The following GNAI3 variants were observed in gnomAD, a reference collection of about 807,000 sequenced individuals.
The protein encoded by GNAI3 is G protein subunit alpha i3, also known as guanine nucleotide-binding protein G(i) subunit alpha-3.
A neutral mutation model predicts 41.8 loss-of-function variants in GNAI3; 12 were observed. The ratio of observed to expected loss-of-function variants is 0.29; its 90% CI spans 0.18 to 0.47. The LOEUF is 0.47. Among genes scored for constraint, GNAI3 ranks in the 20% least tolerant of loss-of-function variants. The pLI, the probability that GNAI3 is intolerant of heterozygous loss-of-function variation, is 1.00. For synonymous variants in GNAI3, 132 were observed against 146.5 expected (o/e 0.90, Z 0.71); for missense variants, 360 against 429.6 (o/e 0.84, Z 1.43).
chr1:109,599,132 T>C lies in GNAI3; in HGVS notation c.*6810T>C, dbSNP rs1171633732. The C allele has an allele frequency of 4.9e-6, 1 of 205,338 alleles. No homozygotes were observed. Among genetic ancestry groups the C allele is most frequent in the Non-Finnish European group, 1.1e-5 (1 of 88,966 alleles). The allele number at this position is 205,338 out of a possible 1,614,324, so 12.7% of individuals were successfully genotyped here. ...GAACTGTTTCAAGTTAATGTGTCTT[T>C]TATGTTGCTTTTAAGACAACTTTTG... On this transcript the variant is annotated 3_prime_UTR_variant, in exon 9 of 9. Coordinates refer to ENST00000369851, the MANE Select transcript of GNAI3 (RefSeq NM_006496.4).
chr1:109,573,659 A>G, intron 1 of GNAI3, 78 bp from the exon 2 acceptor site: 1 of 1,197,274 alleles, frequency 8.4e-7, no homozygotes, highest in Non-Finnish European at 1.2e-6. Flanking sequence ...TCATCAATCT[A>G]GAGTTATCAT....
chr1:109,565,136 C>T (rs1311368725), intron 1 of GNAI3, among the ~76,000 whole-genome samples: 3 of 151,720 alleles, frequency 2.0e-5, no homozygotes, highest in Non-Finnish European at 4.4e-5. Context: ...TGGTGGCAGG[C>T]ACCTGTAATC....
chr1:109,564,510 CCTCTGAATCTTTTCCTTTGTGACCTTG>C (rs1223844733), intron 1 of GNAI3, among the ~76,000 whole-genome samples: 1 of 152,188 alleles, frequency 6.6e-6, no homozygotes, highest in Admixed American at 6.5e-5. Context: ...GACCAACCTT[CCTCTGAATCTTTTCCTTTGTGACCTTG>C]TTGTGCATGA....
intron 1 of GNAI3, among the ~76,000 whole-genome samples, chr1:109,554,104 A>G (rs375911739): frequency 6.6e-6 from 1 of 151,034 alleles, no homozygotes; most frequent in Non-Finnish European, 1.5e-5. Context: ...GTGTGTGTAT[A>G]TCACATTTTC....
intron 1 of GNAI3, among the ~76,000 whole-genome samples, chr1:109,568,262 C>T (rs947728617): frequency 6.6e-6 from 1 of 152,084 alleles, no homozygotes; most frequent in South Asian, 2.1e-4. Flanking sequence ...TGTCTGGGTG[C>T]AGTGGCTCGC....
At chr1:109,567,406 A>T (rs1225687913) in intron 1 of GNAI3, among the ~76,000 whole-genome samples, 1 of 152,250 alleles carries the variant, frequency 6.6e-6, no homozygotes, top group African/African-American at 2.4e-5. Flanking sequence ...GGAAGGTTCA[A>T]GGAAAAGCTA....
chr1:109,565,697 G>C (rs1444897108), intron 1 of GNAI3, among the ~76,000 whole-genome samples: 1 of 152,110 alleles, frequency 6.6e-6, no homozygotes, highest in Non-Finnish European at 1.5e-5. Flanking sequence ...TGCACAAAAA[G>C]AAATAGCAAT....
intron 1 of GNAI3, among the ~76,000 whole-genome samples, chr1:109,565,422 G>T (rs1004332103): frequency 1.3e-5 from 2 of 152,146 alleles, no homozygotes; most frequent in Non-Finnish European, 2.9e-5. Context: ...AGGCTAGTGA[G>T]TGAGTCCAAA....
In GNAI3 at chr1:109,599,217, A is replaced by AT. The variant is rs568431683; in HGVS notation, c.*6901dup. On this transcript the variant is annotated 3_prime_UTR_variant, in exon 9 of 9. Transcript: ENST00000369851. ...AAATACAAATTTCTAATTATAGTAT[A>AT]TTTTTTCTATTTTTAAAATTGTGAT... The AT allele has an allele frequency of 7.6e-3, 1,475 of 193,492 alleles. 19 individuals are homozygous for AT. The highest frequency in any genetic ancestry group is 0.04 in the South Asian group (551 of 13,770). The allele number at this position is 193,492 out of a possible 1,614,324, so 12.0% of individuals were successfully genotyped here.
At chr1:109,587,507 G>GC (rs1649060614) in intron 7 of GNAI3, among the ~76,000 whole-genome samples, 1 of 152,132 alleles carries the variant, frequency 6.6e-6, no homozygotes, top group African/African-American at 2.4e-5. Flanking sequence ...AAATCATCAG[G>GC]CAGACGGGAA....
chr1:109,589,346 A>G (rs1649112551), intron 7 of GNAI3, among the ~76,000 whole-genome samples: 1 of 152,226 alleles, frequency 6.6e-6, no homozygotes, highest in South Asian at 2.1e-4. Context: ...TGGAGTTAAC[A>G]GTTAGGAGGT....
At chr1:109,565,541 C>T (rs989681063) in intron 1 of GNAI3, among the ~76,000 whole-genome samples, 3 of 152,154 alleles carry the variant, frequency 2.0e-5, no homozygotes, top group Non-Finnish European at 4.4e-5. Context: ...TAACTACCTA[C>T]GTTGAAGATT....
intron 7 of GNAI3, among the ~76,000 whole-genome samples, chr1:109,587,946 C>T (rs1174648547): frequency 1.3e-5 from 2 of 152,094 alleles, no homozygotes; most frequent in African/African-American, 4.8e-5. Flanking sequence ...TTGTCAGGAA[C>T]CCTGGAAGCA....
chr1:109,591,964 G>A (rs1649182845), intron 7 of GNAI3, 79 bp from the exon 8 acceptor site: 4 of 770,174 alleles, frequency 5.2e-6, no homozygotes, highest in Non-Finnish European at 8.5e-6. Flanking sequence ...CTCTCCATAA[G>A]TAAATGGTAA....
intron 3 of GNAI3, among the ~76,000 whole-genome samples, chr1:109,574,762 A>G (rs1220434844): frequency 1.3e-5 from 2 of 152,224 alleles, no homozygotes; most frequent in Non-Finnish European, 2.9e-5. Flanking sequence ...GGGAAATTAT[A>G]GAATTATTTC....
intron 1 of GNAI3, among the ~76,000 whole-genome samples, chr1:109,552,174 A>T (rs1383645466): frequency 6.6e-6 from 1 of 152,112 alleles, no homozygotes; most frequent in Non-Finnish European, 1.5e-5. Context: ...AAAAAAAAAA[A>T]AAATAAAGTG....
Position 109,597,062 on chromosome 1 carries a change from C to T in GNAI3, c.*4740C>T, listed in dbSNP as rs1249142550. 6.6e-6 allele frequency: 1 copy of T among 152,074 alleles called. No homozygotes were observed. Among genetic ancestry groups the T allele is most frequent in the Non-Finnish European group, 1.5e-5 (1 of 68,022 alleles). 9.4% of individuals were successfully genotyped at this position (152,074 alleles called of 1,614,324 possible). A position where few individuals can be genotyped will look rare whatever the true frequency, so the allele number is the denominator to read the frequency against. On this transcript the variant is annotated 3_prime_UTR_variant, in exon 9 of 9. Transcript: ENST00000369851. The stretch of plus-strand genomic sequence containing the variant: ...TCCAAAAATCTGAAATCCAAAATGC[C>T]CCAGTGTGTGCTTCCTTTGAGTGTT...
In GNAI3 at chr1:109,573,639, C is replaced by G. The variant is rs113972801; in HGVS notation, c.119-98C>G. ...AGCCTCACCAAAATTTTCCCTAGGA[C>G]CCGTGGTTTTCATCAATCTAGAGTT... On this transcript the variant is annotated intron_variant, in intron 1 of 8. Transcript: ENST00000369851. 3.4e-3 allele frequency: 3,362 copies of G among 976,798 alleles called. 70 individuals carry two copies. In the African/African-American group the frequency reaches 0.048, roughly 14 times the overall value. The allele number at this position is 976,798 out of a possible 1,614,324, so 60.5% of individuals were successfully genotyped here.
At chr1:109,564,431 C>T (rs982738060) in intron 1 of GNAI3, among the ~76,000 whole-genome samples, 9 of 152,136 alleles carry the variant, frequency 5.9e-5, no homozygotes, top group African/African-American at 1.9e-4. Flanking sequence ...TTCTCACTTA[C>T]TTGATGTCTC....
Sources: allele counts gnomAD v4.1 joint callset (sites outside exome capture counted in the v4.1 genomes callset), GRCh38; gene constraint gnomAD v4.1.1; transcripts MANE v1.5; gene names NCBI Gene and HGNC (gene_info 2026-07-23, HGNC 2026-07-21).